Variants in IKBKB observed in about 807,000 individuals in gnomAD.
IKBKB encodes the protein inhibitor of nuclear factor kappa B kinase subunit beta.
IKBKB carries 42 observed loss-of-function variants against 113.6 expected under a neutral mutation model. That is an observed-to-expected ratio of 0.37 (90% CI 0.29 to 0.48). The LOEUF is 0.48. IKBKB is among the 20% of genes least tolerant of loss of function. The pLI is 0.99. For synonymous variants in IKBKB, 296 were observed against 361.3 expected (o/e 0.82, Z 2.05); for missense variants, 673 against 939.7 (o/e 0.72, Z 3.71).
At chr8:42,274,028 T>C (rs528204101) in intron 2 of IKBKB, among the ~76,000 whole-genome samples, 1 of 152,220 alleles carries the variant, frequency 6.6e-6, no homozygotes, top group East Asian at 1.9e-4. Flanking sequence ...TTTTGAAATA[T>C]ACAATATTTT....
intron 5 of IKBKB, among the ~76,000 whole-genome samples, chr8:42,304,089 C>CT (rs139033671): frequency 0.035 from 5,280 of 151,950 alleles, 100 homozygotes; most frequent in Non-Finnish European, 0.042. Flanking sequence ...ATTTTTTTTC[C>CT]TTTCCACTGC....
Position 42,314,352 on chromosome 8 carries a change from G to A in IKBKB, c.723G>A (p.Val241=). The change falls in exon 9 of 22, where the codon GTG becomes GTA. Residue 241 remains valine (V), a synonymous_variant. Coordinates refer to ENST00000520810, the MANE Select transcript of IKBKB (RefSeq NM_001556.3). Reference sequence around the variant, plus strand: ...CAAAAGTGCGGCAGAAGAGTGAGGTGGACATTGTTGTTAGCGAAGACTTGA... The same window carrying A: ...CAAAAGTGCGGCAGAAGAGTGAGGTAGACATTGTTGTTAGCGAAGACTTGA... ...WHSKVRQKSE[V]DIVVSEDLNG... is the part of the protein sequence containing the mutation. 1.2e-6 allele frequency: 2 copies of A among 1,613,932 alleles called. No homozygotes were observed. Among genetic ancestry groups the A allele is most frequent in the Non-Finnish European group, 1.7e-6 (2 of 1,179,786 alleles).
intron 5 of IKBKB, among the ~76,000 whole-genome samples, chr8:42,293,820 C>T (rs1451608182): frequency 1.3e-5 from 2 of 152,180 alleles, no homozygotes; most frequent in Admixed American, 6.5e-5. Context: ...GAATGGCCGG[C>T]GCTGGAATAA....
intron 2 of IKBKB, among the ~76,000 whole-genome samples, chr8:42,288,122 C>T (rs958563477): frequency 1.3e-5 from 2 of 152,034 alleles, no homozygotes; most frequent in Admixed American, 6.6e-5. Flanking sequence ...TGCGGTGGCT[C>T]ACGTCTGTAA....
intron 5 of IKBKB, among the ~76,000 whole-genome samples, chr8:42,302,001 GTATTACATC>G (rs1413956250): frequency 6.6e-6 from 1 of 152,130 alleles, no homozygotes; most frequent in Non-Finnish European, 1.5e-5. Flanking sequence ...ACACTTTTAT[GTATTACATC>G]CTGATACTCT....
chr8:42,321,989 T>G (rs202043711), intron 17 of IKBKB, 44 bp downstream of exon 17: 10 of 1,608,222 alleles, frequency 6.2e-6, no homozygotes, highest in Non-Finnish European at 8.5e-6. Context: ...CCTTATCTCA[T>G]TTATGGGGCA....
At chr8:42,281,317 C>T (rs1010560160) in intron 2 of IKBKB, among the ~76,000 whole-genome samples, 8 of 152,192 alleles carry the variant, frequency 5.3e-5, no homozygotes, top group Non-Finnish European at 5.9e-5. Context: ...CGTTTATTCC[C>T]GGCTCCCTGT....
chr8:42,308,996 C>T lies in IKBKB; in HGVS notation c.663C>T (p.Pro221=). ...TTGAGTGCATCACGGGCTTCCGGCCCTTCCTCCCCAACTGGCAGCCCGTGC... is the reference window on the plus strand; with the variant it reads ...TTGAGTGCATCACGGGCTTCCGGCCTTTCCTCCCCAACTGGCAGCCCGTGC... ...LAFECITGFR[P]FLPNWQPVQW... The change falls in exon 8 of 22, where the codon CCC becomes CCT. Residue 221 remains proline (P), a synonymous_variant. Coordinates refer to ENST00000520810, the MANE Select transcript of IKBKB (RefSeq NM_001556.3). 6.2e-7 allele frequency: 1 copy of T among 1,614,172 alleles called. No individual in the cohort carries two copies.
At chr8:42,271,826 C>G in intron 1 of IKBKB, 1 of 548,528 alleles carries the variant, frequency 1.8e-6, no homozygotes, top group Non-Finnish European at 3.2e-6. Context: ...AGGGCAAGGG[C>G]GTGGGCATCG....
chr8:42,292,518 A>C (rs1322656162), intron 4 of IKBKB, among the ~76,000 whole-genome samples: 1 of 152,194 alleles, frequency 6.6e-6, no homozygotes, highest in African/African-American at 2.4e-5. Context: ...AAAAGTTCAA[A>C]TCTATAATAC....
chr8:42,313,827 C>A (rs1818178217), intron 8 of IKBKB, among the ~76,000 whole-genome samples: 1 of 152,212 alleles, frequency 6.6e-6, no homozygotes, highest in Admixed American at 6.5e-5. Context: ...CTTAAACTCT[C>A]AAAGAATCTG....
intron 19 of IKBKB, 67 bp from the exon 20 acceptor site, chr8:42,325,903 A>C: frequency 6.3e-7 from 1 of 1,599,184 alleles, no homozygotes; most frequent in South Asian, 1.1e-5. Context: ...CTAAGAAAAT[A>C]CTGTGGCGTG....
At chr8:42,329,428 T>G in intron 21 of IKBKB, 4 of 918,158 alleles carry the variant, frequency 4.4e-6, no homozygotes, top group Non-Finnish European at 5.5e-6. Flanking sequence ...GTTCAAGTGA[T>G]TCTCATGCCT....
intron 20 of IKBKB, chr8:42,326,378 A>G: frequency 2.8e-6 from 1 of 360,768 alleles, no homozygotes; most frequent in Non-Finnish European, 5.1e-6. Flanking sequence ...CCCTTTATCC[A>G]TAGGAAGCCA....
intron 3 of IKBKB, among the ~76,000 whole-genome samples, chr8:42,288,954 G>C (rs188794024): frequency 7.2e-4 from 110 of 152,246 alleles, no homozygotes; most frequent in Middle Eastern, 6.8e-3. Flanking sequence ...ATGGGTGGGC[G>C]CCTGTAGTCC....
chr8:42,293,714 T>G (rs576280771), intron 5 of IKBKB: 243 of 713,524 alleles, frequency 3.4e-4, no homozygotes, highest in African/African-American at 3.2e-3. Context: ...CAAATAGGTT[T>G]CCCTTCCTTC....
At chr8:42,318,992 G>A (rs1434228947) in intron 13 of IKBKB, 7 of 548,046 alleles carry the variant, frequency 1.3e-5, no homozygotes, top group Non-Finnish European at 2.3e-5. Flanking sequence ...CCGTGCTGCT[G>A]GGGACTTACG....
Position 42,316,148 on chromosome 8 carries a change from C to T in IKBKB, c.801-62C>T, listed in dbSNP as rs568158227. On this transcript the variant is annotated intron_variant, in intron 9 of 21. Coordinates refer to ENST00000520810, the MANE Select transcript of IKBKB (RefSeq NM_001556.3). This position sits in a 1 kb window ranked among gnomAD's most constrained non-coding sequence, Gnocchi z 4.5. ...TGCCGTCTGTGTGTATACTGGGAGACGCACACTGTAGCCCAACATTGGCTG... is the reference window on the plus strand; with the variant it reads ...TGCCGTCTGTGTGTATACTGGGAGATGCACACTGTAGCCCAACATTGGCTG... The T allele has an allele frequency of 8.2e-5, 130 of 1,586,310 alleles. 2 individuals carry two copies. Among genetic ancestry groups the T allele is most frequent in the South Asian group, 7.1e-4 (63 of 88,884 alleles).
Position 42,328,090 on chromosome 8 carries a change from G to A in IKBKB, c.2115-1034G>A, listed in dbSNP as rs7826150. 1.0e-4 allele frequency among the ~76,000 whole-genome samples: 2 copies of A among 19,048 alleles called. 1 individual carries two copies. The highest frequency in any genetic ancestry group is 2.7e-3 in the Non-Finnish European group (2 of 752). 12.5% of individuals were successfully genotyped at this position (19,048 alleles called of 152,430 possible). On this transcript the variant is annotated intron_variant, in intron 20 of 21. Coordinates refer to ENST00000520810, the MANE Select transcript of IKBKB (RefSeq NM_001556.3). ...CTCCCAAAGTGCTGGGATTACAGGC[G>A]TGAGCCACCGCGCCCGGCCAATTTT... is the stretch of plus-strand genomic sequence containing the variant.
Sources: allele counts gnomAD v4.1 joint callset (sites outside exome capture counted in the v4.1 genomes callset), GRCh38; gene constraint gnomAD v4.1.1; non-coding constraint Gnocchi (gnomAD v3.1); transcripts MANE v1.5; gene names NCBI Gene and HGNC (gene_info 2026-07-23, HGNC 2026-07-21).